The following ENTREP2 variants were observed in gnomAD, a reference collection of about 807,000 sequenced individuals.
ENTREP2 encodes protein ENTREP2.
the ENTREP2 span, among the ~76,000 whole-genome samples, chr15:29,272,478 G>A: frequency 1.0e-5 from 1 of 100,294 alleles, no homozygotes; most frequent in Non-Finnish European, 1.8e-5. Context: ...CACTATATTT[G>A]TTCTACTTTA....
the ENTREP2 span, among the ~76,000 whole-genome samples, chr15:29,543,296 C>T: frequency 6.6e-6 from 1 of 152,174 alleles, no homozygotes; most frequent in African/African-American, 2.4e-5. Context: ...CAGGACCACA[C>T]AAAACTCACC....
At chr15:29,149,841 A>G in the ENTREP2 span, among the ~76,000 whole-genome samples, 1 of 152,124 alleles carries the variant, frequency 6.6e-6, no homozygotes, top group East Asian at 1.9e-4. Flanking sequence ...CTCCCGCGGT[A>G]CCCGTCACAG....
At chr15:29,418,769 C>A in the ENTREP2 span, among the ~76,000 whole-genome samples, 1 of 152,156 alleles carries the variant, frequency 6.6e-6, no homozygotes, top group African/African-American at 2.4e-5. Context: ...AACTCTGAAG[C>A]TTCTTTTATC....
At chr15:29,133,216 G>C in the ENTREP2 span, among the ~76,000 whole-genome samples, 1 of 152,212 alleles carries the variant, frequency 6.6e-6, no homozygotes, top group Admixed American at 6.5e-5. Context: ...CAAGGTCCTA[G>C]ATCCACACTC....
chr15:29,571,805 T>C, the ENTREP2 span, among the ~76,000 whole-genome samples: 2 of 152,216 alleles, frequency 1.3e-5, no homozygotes, highest in Non-Finnish European at 2.9e-5. Context: ...TTTGTGGCCC[T>C]GTTGATGAGC....
chr15:29,440,984 G>T, the ENTREP2 span, among the ~76,000 whole-genome samples: 1 of 152,150 alleles, frequency 6.6e-6, no homozygotes, highest in Non-Finnish European at 1.5e-5. Flanking sequence ...ATACCCAAAA[G>T]AACAAAAGAA....
At chr15:29,387,756 T>C in the ENTREP2 span, among the ~76,000 whole-genome samples, 38 of 152,142 alleles carry the variant, frequency 2.5e-4, no homozygotes, top group African/African-American at 9.2e-4. Flanking sequence ...AGCATGGTAC[T>C]GGTACCAAAA....
chr15:29,336,944 C>T, the ENTREP2 span, among the ~76,000 whole-genome samples: 1 of 152,186 alleles, frequency 6.6e-6, no homozygotes, highest in South Asian at 2.1e-4. Context: ...TTCTCATCCC[C>T]TCTCTGACCC....
chr15:29,341,712 G>A, the ENTREP2 span, among the ~76,000 whole-genome samples: 2 of 152,094 alleles, frequency 1.3e-5, no homozygotes, highest in East Asian at 1.9e-4. Context: ...CGGGTCTTGG[G>A]GGCCTTCTAT....
At chr15:29,311,685 A>AT in the ENTREP2 span, among the ~76,000 whole-genome samples, 1 of 151,928 alleles carries the variant, frequency 6.6e-6, no homozygotes. Flanking sequence ...GTGAGACTCC[A>AT]TCCCCCCCCC....
At chr15:29,438,022 C>G in the ENTREP2 span, among the ~76,000 whole-genome samples, 4 of 152,148 alleles carry the variant, frequency 2.6e-5, no homozygotes, top group African/African-American at 9.7e-5. Flanking sequence ...AATATGGCTG[C>G]CAGGACCCCA....
the ENTREP2 span, among the ~76,000 whole-genome samples, chr15:29,621,978 C>A: frequency 6.6e-6 from 1 of 152,164 alleles, no homozygotes; most frequent in South Asian, 2.1e-4. Flanking sequence ...GAACAAATAC[C>A]GCGTTATTCC....
chr15:29,143,299 G>T, the ENTREP2 span, among the ~76,000 whole-genome samples: 2 of 152,212 alleles, frequency 1.3e-5, no homozygotes, highest in Non-Finnish European at 2.9e-5. Flanking sequence ...CTGGAATTTT[G>T]ATCAATTGTG....
At chr15:29,290,563 GA>G in the ENTREP2 span, among the ~76,000 whole-genome samples, 1 of 152,204 alleles carries the variant, frequency 6.6e-6, no homozygotes, top group Admixed American at 6.5e-5. Context: ...GGGAGAATGA[GA>G]ATTTTGCCTC....
chr15:29,275,291 T>A, the ENTREP2 span, among the ~76,000 whole-genome samples: 1 of 152,228 alleles, frequency 6.6e-6, no homozygotes, highest in Non-Finnish European at 1.5e-5. Context: ...GTTAATTTGC[T>A]TTTAAAAATA....
the ENTREP2 span, among the ~76,000 whole-genome samples, chr15:29,191,200 A>G: frequency 2.6e-5 from 4 of 152,186 alleles, no homozygotes; most frequent in Non-Finnish European, 5.9e-5. Flanking sequence ...AGAAAACTAG[A>G]TAATGTGGCA....
the ENTREP2 span, among the ~76,000 whole-genome samples, chr15:29,229,890 A>G: frequency 6.6e-6 from 1 of 152,092 alleles, no homozygotes; most frequent in Non-Finnish European, 1.5e-5. Context: ...GGTGACTTCC[A>G]GCATCATACA....
chr15:29,184,680 C>A, the ENTREP2 span, among the ~76,000 whole-genome samples: 1 of 152,100 alleles, frequency 6.6e-6, no homozygotes, highest in Admixed American at 6.5e-5. Flanking sequence ...AACCAGTTCC[C>A]AAAGGATGCC....
At chr15:29,474,557 G>GT in the ENTREP2 span, among the ~76,000 whole-genome samples, 13 of 147,208 alleles carry the variant, frequency 8.8e-5, no homozygotes, top group East Asian at 3.9e-4. Flanking sequence ...TTCTGTTGTT[G>GT]TTTTTTTTTC....
Sources: allele counts gnomAD v4.1 joint callset (sites outside exome capture counted in the v4.1 genomes callset), GRCh38; gene constraint gnomAD v4.1.1; transcripts MANE v1.5; gene names NCBI Gene and HGNC (gene_info 2026-07-23, HGNC 2026-07-21).